ZNF704: variants seen among roughly 807,000 people sequenced by gnomAD.
ZNF704 encodes the protein zinc finger protein 704.
ZNF704 carries 10 observed loss-of-function variants against 44.7 expected under a neutral mutation model. The ratio of observed to expected loss-of-function variants is 0.22; its 90% CI spans 0.14 to 0.38. The LOEUF is 0.38. Ranked by LOEUF, ZNF704 falls within the 10% of genes least tolerant of loss-of-function variation. The pLI is 1.00. For synonymous variants in ZNF704, 211 were observed against 207.6 expected (o/e 1.02, Z -0.14); for missense variants, 390 against 545.5 (o/e 0.71, Z 2.84).
chr8:80,691,036 T>C (rs1585956523), intron 3 of ZNF704, among the ~76,000 whole-genome samples: 1 of 150,840 alleles, frequency 6.6e-6, no homozygotes, highest in South Asian at 2.1e-4. Flanking sequence ...AAAGAGGAAG[T>C]GTTATCCCAG....
chr8:80,837,877 C>T (rs1040180340), intron 1 of ZNF704, among the ~76,000 whole-genome samples: 27 of 151,842 alleles, frequency 1.8e-4, no homozygotes, highest in Admixed American at 1.6e-3. Flanking sequence ...CAGCCAGAGC[C>T]GGGGACCCTG....
chr8:80,755,796 G>A (rs913508407), intron 2 of ZNF704, among the ~76,000 whole-genome samples: 8 of 152,124 alleles, frequency 5.3e-5, no homozygotes, highest in Non-Finnish European at 1.2e-4. Flanking sequence ...CCAAACAGCA[G>A]TTCGTGTTGT....
At chr8:80,686,283 G>A (rs1038125372) in intron 4 of ZNF704, among the ~76,000 whole-genome samples, 1 of 152,184 alleles carries the variant, frequency 6.6e-6, no homozygotes, top group African/African-American at 2.4e-5. Context: ...AGATGGAAAT[G>A]CAAAACTTAC....
At chr8:80,819,093 G>T (rs1203004372) in intron 2 of ZNF704, among the ~76,000 whole-genome samples, 2 of 152,052 alleles carry the variant, frequency 1.3e-5, no homozygotes, top group Non-Finnish European at 2.9e-5. Flanking sequence ...CCCAAACAAT[G>T]AAGCCTTAAG....
chr8:80,655,187 G>GT (rs1359963613), intron 7 of ZNF704, among the ~76,000 whole-genome samples: 1 of 151,614 alleles, frequency 6.6e-6, no homozygotes, highest in Non-Finnish European at 1.5e-5. Flanking sequence ...ACCAGGGCCT[G>GT]TTGTGGGGGG....
At chr8:80,818,755 A>G (rs1808216862) in intron 2 of ZNF704, among the ~76,000 whole-genome samples, 1 of 152,176 alleles carries the variant, frequency 6.6e-6, no homozygotes, top group Non-Finnish European at 1.5e-5. Flanking sequence ...GATTTACTCA[A>G]AGTTCATTAT....
At chr8:80,693,726 C>T (rs933669226) in intron 2 of ZNF704, among the ~76,000 whole-genome samples, 1 of 152,146 alleles carries the variant, frequency 6.6e-6, no homozygotes, top group Non-Finnish European at 1.5e-5. Context: ...TGTTTAAAGG[C>T]TGATCCTAGA....
intron 2 of ZNF704, among the ~76,000 whole-genome samples, chr8:80,758,305 G>C (rs1807071185): frequency 6.6e-6 from 1 of 152,162 alleles, no homozygotes; most frequent in Non-Finnish European, 1.5e-5. Flanking sequence ...CATAATTTGG[G>C]CCTTTATTCT....
At chr8:80,726,598 A>T (rs1490711322) in intron 2 of ZNF704, among the ~76,000 whole-genome samples, 1 of 152,176 alleles carries the variant, frequency 6.6e-6, no homozygotes, top group Non-Finnish European at 1.5e-5. Context: ...CACCTTGAAA[A>T]AAAGGGTGGA....
chr8:80,674,477 C>A (rs2076663798), intron 4 of ZNF704, among the ~76,000 whole-genome samples: 1 of 152,118 alleles, frequency 6.6e-6, no homozygotes, highest in African/African-American at 2.4e-5. Flanking sequence ...TGAGTTAAAT[C>A]ATAGTGGAGG....
At chr8:80,722,141 G>C (rs7814502) in intron 2 of ZNF704, among the ~76,000 whole-genome samples, 1 of 152,168 alleles carries the variant, frequency 6.6e-6, no homozygotes, top group African/African-American at 2.4e-5. Context: ...TCTGGAGGCT[G>C]AGGAAGGAGG....
At chr8:80,868,722 T>C (rs1315132077) in intron 1 of ZNF704, among the ~76,000 whole-genome samples, 1 of 152,242 alleles carries the variant, frequency 6.6e-6, no homozygotes, top group East Asian at 1.9e-4. Flanking sequence ...CAAACTGTCG[T>C]GGATTTCATT....
At chr8:80,791,362 C>G (rs749544855) in intron 2 of ZNF704, among the ~76,000 whole-genome samples, 15 of 152,116 alleles carry the variant, frequency 9.9e-5, no homozygotes, top group Admixed American at 5.9e-4. Context: ...GGAATCTGCC[C>G]AGAAAGGGGG....
chr8:80,660,013 C>A (rs894148779), intron 6 of ZNF704, among the ~76,000 whole-genome samples: 2 of 152,120 alleles, frequency 1.3e-5, no homozygotes, highest in African/African-American at 4.8e-5. Context: ...GGGGAATACA[C>A]CCTGCTATAC....
chr8:80,651,939 T>G (rs960088609), intron 7 of ZNF704, among the ~76,000 whole-genome samples: 2 of 151,948 alleles, frequency 1.3e-5, no homozygotes, highest in Non-Finnish European at 2.9e-5. Context: ...TCAGCAAATG[T>G]AAAAGAACAG....
intron 2 of ZNF704, among the ~76,000 whole-genome samples, chr8:80,741,474 G>A (rs1472933343): frequency 2.6e-5 from 4 of 152,228 alleles, no homozygotes; most frequent in African/African-American, 4.8e-5. Flanking sequence ...AGTGGCAGCA[G>A]TAGCAGTCTT....
chr8:80,861,863 G>C (rs1241290647), intron 1 of ZNF704, among the ~76,000 whole-genome samples: 1 of 151,636 alleles, frequency 6.6e-6, no homozygotes, highest in Non-Finnish European at 1.5e-5. Context: ...CAGAGCTTTT[G>C]ATTCTCCTTT....
rs147366775 is a variant in ZNF704, at chr8:80,808,345, T to C, written c.221+13029A>G. Among the ~76,000 whole-genome samples, 761 of 152,352 alleles carry C rather than the reference T, an allele frequency of 5.0e-3. 10 individuals carry two copies. Among genetic ancestry groups the C allele is most frequent in the Middle Eastern group, 0.02 (6 of 294 alleles). Reference sequence around the variant, plus strand: ...ATTGCCTACAAAGAAAGGGAGTTATTAATTGAATGTGAAGATGGATTTGAG... The same window carrying C: ...ATTGCCTACAAAGAAAGGGAGTTATCAATTGAATGTGAAGATGGATTTGAG... On this transcript the variant is annotated intron_variant, in intron 2 of 8. Transcript: ENST00000327835.
chr8:80,794,443 T>C (rs1012609876), intron 2 of ZNF704, among the ~76,000 whole-genome samples: 2 of 152,160 alleles, frequency 1.3e-5, no homozygotes, highest in Admixed American at 1.3e-4. Context: ...GCTCAACATT[T>C]CAAAAATCTT....
Sources: allele counts gnomAD v4.1 joint callset (sites outside exome capture counted in the v4.1 genomes callset), GRCh38; gene constraint gnomAD v4.1.1; transcripts MANE v1.5; gene names NCBI Gene and HGNC (gene_info 2026-07-23, HGNC 2026-07-21).